Variants in GP6 observed in about 807,000 individuals in gnomAD.
GP6 encodes platelet glycoprotein VI.
A neutral mutation model predicts 37.3 loss-of-function variants in GP6; 45 were observed. That is an observed-to-expected ratio of 1.21 (90% CI 0.95 to 1.55). The LOEUF (loss-of-function observed/expected upper bound fraction) is 1.55, where lower values mean the gene tolerates loss of function less well. Among genes scored for constraint, GP6 ranks in the 40% most tolerant of loss-of-function variants. GP6 has a pLI of 0.00. For missense variants in GP6, 813 were observed against 760.2 expected (o/e 1.07, Z -0.82); for synonymous variants, 340 against 316.4 (o/e 1.07, Z -0.79).
At chr19:55,032,108 C>A (rs1467899042) in intron 3 of GP6, 31 bp downstream of exon 3, 9 of 1,609,652 alleles carry the variant, frequency 5.6e-6, no homozygotes, top group Non-Finnish European at 7.6e-6. Flanking sequence ...GAGGACCACG[C>A]AGTCCCAGGC....
Position 55,015,156 on chromosome 19 carries a change from C to CGG in GP6, c.787_788dup (p.Pro264ArgfsTer79). ...CAGGTTGCCCTTGGTGTAGTACTGG[C>CGG]GGGCAGGACCTGGAGGAATGAGGAG... On this transcript the variant is annotated frameshift_variant, in exon 8 of 8. Transcript: ENST00000310373. LOFTEE classifies it low-confidence loss of function (END_TRUNC). 1.3e-6 allele frequency: 2 copies of CGG among 1,560,040 alleles called. No individual in the cohort carries two copies. The highest frequency in any genetic ancestry group is 1.7e-6 in the Non-Finnish European group (2 of 1,151,412).
intron 3 of GP6, among the ~76,000 whole-genome samples, chr19:55,029,356 ATATATATATATATATATATTTTTTTTT>A (rs2074462268): frequency 3.8e-3 from 10 of 2,604 alleles, no homozygotes; most frequent in Admixed American, 7.1e-3. Context: ...ATATATATAT[ATATATATATATATATATATTTTTTTTT>A]TTTTTTTTTT....
At chr19:55,023,135 T>A (rs542985171) in intron 5 of GP6, among the ~76,000 whole-genome samples, 6 of 152,124 alleles carry the variant, frequency 3.9e-5, no homozygotes, top group Non-Finnish European at 8.8e-5. Context: ...CAAAACAGCA[T>A]GGTACTGGTA....
At chr19:55,030,515 T>A (rs2032446526) in intron 3 of GP6, among the ~76,000 whole-genome samples, 1 of 144,204 alleles carries the variant, frequency 6.9e-6, no homozygotes, top group Non-Finnish European at 1.5e-5. Context: ...ATTATTATTA[T>A]TTTTTTTAGT....
At chr19:55,019,587 C>T (rs1461713067) in intron 5 of GP6, among the ~76,000 whole-genome samples, 1 of 151,944 alleles carries the variant, frequency 6.6e-6, no homozygotes, top group Non-Finnish European at 1.5e-5. Flanking sequence ...GATGTGGATC[C>T]ATGTCTTCGT....
At chr19:55,029,819 C>T (rs531357077) in intron 3 of GP6, among the ~76,000 whole-genome samples, 1 of 149,952 alleles carries the variant, frequency 6.7e-6, no homozygotes, top group African/African-American at 2.5e-5. Flanking sequence ...TTGAGTCTGA[C>T]CCTGAAAGAA....
chr19:55,018,892 A>G (rs1016215771), intron 5 of GP6, 181 bp from the exon 6 acceptor site: 1 of 664,594 alleles, frequency 1.5e-6, no homozygotes, highest in Non-Finnish European at 2.8e-6. Context: ...GCTTAGTAAG[A>G]AGCAGATCCG....
At chr19:55,017,769 T>C (rs901282783) in intron 6 of GP6, among the ~76,000 whole-genome samples, 1 of 152,040 alleles carries the variant, frequency 6.6e-6, no homozygotes, top group Admixed American at 6.6e-5. Flanking sequence ...AAGGCTTCCA[T>C]CACAGAACTC....
chr19:55,031,243 G>C (rs1165395099), intron 3 of GP6, among the ~76,000 whole-genome samples: 1 of 152,188 alleles, frequency 6.6e-6, no homozygotes, highest in Admixed American at 6.6e-5. Context: ...GAACTTTTCT[G>C]TCAGTCTAAA....
At chr19:55,036,382 G>GT (rs1352496077) in intron 1 of GP6, among the ~76,000 whole-genome samples, 2 of 152,062 alleles carry the variant, frequency 1.3e-5, no homozygotes, top group African/African-American at 4.8e-5. Flanking sequence ...AGAACCACTT[G>GT]TATCCCAAAA....
chr19:55,021,171 C>T lies in GP6; in HGVS notation c.665-2460G>A, dbSNP rs147357049. ...GTCAGAAGTTTGAGACCAGCATGAC[C>T]AACAAGGTAAAACCCCATCTCTACT... On this transcript the variant is annotated intron_variant, in intron 5 of 7. Transcript: ENST00000310373. 7.0e-3 allele frequency among the ~76,000 whole-genome samples: 957 copies of T among 136,038 alleles called. 6 individuals carry two copies. Among genetic ancestry groups the T allele is most frequent in the Middle Eastern group, 0.026 (6 of 234 alleles). The allele number at this position is 136,038 out of a possible 152,430, so 89.2% of individuals were successfully genotyped here.
At chr19:55,018,783 T>G in intron 5 of GP6, 72 bp from the exon 6 acceptor site, 1 of 1,011,536 alleles carries the variant, frequency 9.9e-7, no homozygotes, top group Non-Finnish European at 1.6e-6. Context: ...ATTCCCCTTT[T>G]GAGATATCTA....
At chr19:55,029,202 G>A (rs1345694897) in intron 3 of GP6, among the ~76,000 whole-genome samples, 2 of 119,476 alleles carry the variant, frequency 1.7e-5, no homozygotes, top group Non-Finnish European at 3.8e-5. Flanking sequence ...TTTCACTTAA[G>A]CAACTATTAT....
At chr19:55,033,033 AC>A (rs1325930687) in intron 1 of GP6, among the ~76,000 whole-genome samples, 1 of 9,034 alleles carries the variant, frequency 1.1e-4, no homozygotes, top group African/African-American at 2.4e-4. Flanking sequence ...CGTGTTAGAC[AC>A]GGTGGACTCG....
intron 5 of GP6, among the ~76,000 whole-genome samples, chr19:55,019,420 G>A (rs903488917): frequency 3.0e-4 from 45 of 152,126 alleles, no homozygotes; most frequent in African/African-American, 1.1e-3. Context: ...TTTCAAAGCA[G>A]CTGCACCATT....
In GP6 at chr19:55,013,972, G is replaced by T. The variant is rs2073741029; in HGVS notation, c.*110C>A. The T allele has an allele frequency of 2.3e-6, 1 of 442,120 alleles. No individual in the cohort carries two copies. Among genetic ancestry groups the T allele is most frequent in the Non-Finnish European group, 4.6e-6 (1 of 218,676 alleles). The allele number at this position is 442,120 out of a possible 1,614,324, so 27.4% of individuals were successfully genotyped here. A position where few individuals can be genotyped will look rare whatever the true frequency, so the allele number is the denominator to read the frequency against. ...CCTTCAGAAAGTAAATATGAGAGGGGTGGAGACGGTGCATTATCTTATTTT... is the reference window on the plus strand; with the variant it reads ...CCTTCAGAAAGTAAATATGAGAGGGTTGGAGACGGTGCATTATCTTATTTT... On this transcript the variant is annotated 3_prime_UTR_variant, in exon 8 of 8. Coordinates refer to ENST00000310373, the MANE Select transcript of GP6 (RefSeq NM_001083899.2).
chr19:55,033,968 C>G (rs1266580799), intron 1 of GP6, among the ~76,000 whole-genome samples: 1 of 151,926 alleles, frequency 6.6e-6, no homozygotes, highest in African/African-American at 2.4e-5. Context: ...GGGGAAAGTT[C>G]CCAACACAGA....
At chr19:55,030,360 T>TC (rs1267951373) in intron 3 of GP6, among the ~76,000 whole-genome samples, 2 of 125,940 alleles carry the variant, frequency 1.6e-5, no homozygotes, top group East Asian at 3.2e-4. Context: ...TTTTTTTTTT[T>TC]TTCCCAAGAC....
intron 5 of GP6, among the ~76,000 whole-genome samples, chr19:55,021,679 C>T (rs2074093162): frequency 1.3e-5 from 2 of 151,974 alleles, no homozygotes; most frequent in Admixed American, 6.6e-5. Context: ...CGCCACCACG[C>T]CCGGCTAATT....
Sources: allele counts gnomAD v4.1 joint callset (sites outside exome capture counted in the v4.1 genomes callset), GRCh38; gene constraint gnomAD v4.1.1; transcripts MANE v1.5; gene names NCBI Gene and HGNC (gene_info 2026-07-23, HGNC 2026-07-21).